The following PTPRM variants were observed in gnomAD, a reference collection of about 807,000 sequenced individuals.
The protein encoded by PTPRM is receptor-type tyrosine-protein phosphatase mu.
In PTPRM, 47 loss-of-function variants were observed where a neutral mutation model predicts 186.7. The ratio of observed to expected loss-of-function variants is 0.25; its 90% confidence interval spans 0.20 to 0.32. PTPRM has a LOEUF of 0.32. Ranked by LOEUF, PTPRM falls within the 10% of genes least tolerant of loss-of-function variation. PTPRM has a pLI of 1.00. For missense variants in PTPRM, 1,494 were observed against 1,865.0 expected, an observed-to-expected ratio of 0.80 and a Z score of 3.66; for synonymous variants, 668 against 674.9, an observed-to-expected ratio of 0.99 and a Z score of 0.16.
At chr18:7,834,924 G>T (rs2045957951) in intron 2 of PTPRM, among the ~76,000 whole-genome samples, 1 of 147,188 alleles carries the variant, frequency 6.8e-6, no homozygotes, top group Non-Finnish European at 1.5e-5. Context: ...GCCACTAATG[G>T]TTTTTTGAAT....
At chr18:7,923,887 G>A (rs912755972) in intron 4 of PTPRM, among the ~76,000 whole-genome samples, 2 of 152,170 alleles carry the variant, frequency 1.3e-5, no homozygotes, top group Non-Finnish European at 2.9e-5. Flanking sequence ...ATCTGAATGG[G>A]TCCCCGTATT....
At chr18:7,752,457 C>T (rs1004845244) in intron 1 of PTPRM, among the ~76,000 whole-genome samples, 4 of 152,054 alleles carry the variant, frequency 2.6e-5, no homozygotes, top group African/African-American at 7.2e-5. Context: ...GTCTCTTGCT[C>T]TTGTCGCCCA....
intron 7 of PTPRM, among the ~76,000 whole-genome samples, chr18:7,991,347 T>C (rs2083259198): frequency 6.6e-6 from 1 of 152,050 alleles, no homozygotes; most frequent in South Asian, 2.1e-4. Flanking sequence ...AATGGAACTA[T>C]TATTATTTGT....
At chr18:8,048,774 T>TTG (rs1472823351) in intron 7 of PTPRM, among the ~76,000 whole-genome samples, 4 of 152,162 alleles carry the variant, frequency 2.6e-5, no homozygotes, top group African/African-American at 9.7e-5. Context: ...GGTAAAAATA[T>TTG]TTTAAGTAAC....
chr18:8,315,178 C>G (rs906383789), intron 21 of PTPRM, among the ~76,000 whole-genome samples: 4 of 152,222 alleles, frequency 2.6e-5, no homozygotes, highest in Non-Finnish European at 4.4e-5. Context: ...TCTTTGCCAT[C>G]TCATGCTTAT....
chr18:8,089,891 G>T (rs1210109188), intron 11 of PTPRM, among the ~76,000 whole-genome samples: 1 of 152,162 alleles, frequency 6.6e-6, no homozygotes, highest in Non-Finnish European at 1.5e-5. Context: ...TTAGGGAAGA[G>T]TCACAGAAAT....
intron 17 of PTPRM, among the ~76,000 whole-genome samples, chr18:8,250,564 G>A (rs1183708724): frequency 2.0e-5 from 3 of 152,022 alleles, no homozygotes; most frequent in Non-Finnish European, 4.4e-5. Context: ...AAGATCGCTT[G>A]AGGCCAGGAG....
intron 1 of PTPRM, among the ~76,000 whole-genome samples, chr18:7,772,347 T>TTCTC (rs776949907): frequency 7.8e-5 from 9 of 115,766 alleles, no homozygotes; most frequent in African/African-American, 1.3e-4. Context: ...CTTTCTTTCT[T>TTCTC]TCTCTTTCTT....
intron 32 of PTPRM, among the ~76,000 whole-genome samples, chr18:8,402,291 A>G (rs183369365): frequency 1.3e-5 from 2 of 152,278 alleles, no homozygotes; most frequent in East Asian, 1.9e-4. Context: ...CACAGAATCT[A>G]TGGGGACTGG....
intron 11 of PTPRM, among the ~76,000 whole-genome samples, chr18:8,095,816 A>T (rs2145445079): frequency 6.6e-6 from 1 of 152,304 alleles, no homozygotes; most frequent in Non-Finnish European, 1.5e-5. Flanking sequence ...GATGTTAAAA[A>T]TACTGTCTGG....
At chr18:7,945,354 T>C (rs1183596257) in intron 5 of PTPRM, among the ~76,000 whole-genome samples, 2 of 151,036 alleles carry the variant, frequency 1.3e-5, no homozygotes, top group African/African-American at 4.9e-5. Context: ...GTCCCAGCTA[T>C]TTGGGAGGCA....
At chr18:7,887,293 A>G (rs2048837628) in intron 2 of PTPRM, among the ~76,000 whole-genome samples, 1 of 152,162 alleles carries the variant, frequency 6.6e-6, no homozygotes, top group Non-Finnish European at 1.5e-5. Context: ...GCTTGAATCC[A>G]TCTGGAAGCT....
intron 22 of PTPRM, among the ~76,000 whole-genome samples, chr18:8,339,202 C>CT (rs34738661): frequency 1.8e-4 from 28 of 151,754 alleles, no homozygotes; most frequent in African/African-American, 5.6e-4. Flanking sequence ...GTTCCGCCCC[C>CT]TTTTTTTTCC....
At chr18:7,995,367 ATTC>A (rs1234074905) in intron 7 of PTPRM, among the ~76,000 whole-genome samples, 1 of 152,178 alleles carries the variant, frequency 6.6e-6, no homozygotes, top group Non-Finnish European at 1.5e-5. Flanking sequence ...ATTGAGATGG[ATTC>A]TTCTACAATT....
chr18:8,375,059 G>A (rs2095686432), intron 24 of PTPRM, among the ~76,000 whole-genome samples: 1 of 152,226 alleles, frequency 6.6e-6, no homozygotes, highest in African/African-American at 2.4e-5. Context: ...TTTCAAAACA[G>A]TCTTTTGCTT....
chr18:8,238,868 C>T (rs757915769), intron 14 of PTPRM, among the ~76,000 whole-genome samples: 4 of 151,122 alleles, frequency 2.6e-5, no homozygotes, highest in South Asian at 2.1e-4. Context: ...TCTCCCCCAC[C>T]GTTAGTTGGG....
At chr18:8,168,684 A>C (rs542658751) in intron 14 of PTPRM, among the ~76,000 whole-genome samples, 7 of 152,244 alleles carry the variant, frequency 4.6e-5, no homozygotes, top group Non-Finnish European at 8.8e-5. Context: ...AAAACAATAG[A>C]TAATCACAAA....
intron 19 of PTPRM, among the ~76,000 whole-genome samples, chr18:8,276,942 G>T (rs920723711): frequency 3.0e-4 from 35 of 117,370 alleles, no homozygotes; most frequent in African/African-American, 9.0e-4. Flanking sequence ...TGCCAAAACT[G>T]TAATTTTTTT....
rs571222250 is a variant in PTPRM at position 7,772,137 on chromosome 18, A to C, written c.74-2012A>C. Among the ~76,000 whole-genome samples the C allele has an allele frequency of 3.3e-5, 5 of 152,356 alleles. No individual in the cohort carries two copies. In the South Asian group the frequency reaches 8.3e-4, roughly 25 times the overall value. ...GGCCTGTAAACCTTTTAGTAGCAGG[A>C]ATTACAGGGAGCAAAGCATACTTTG... On this transcript the variant is annotated intron_variant, in intron 1 of 32. Transcript: ENST00000580170.
Sources: allele counts gnomAD v4.1 joint callset (sites outside exome capture counted in the v4.1 genomes callset), GRCh38; gene constraint gnomAD v4.1.1; transcripts MANE v1.5; gene names NCBI Gene and HGNC (gene_info 2026-07-23, HGNC 2026-07-21).